The following GSK3B variants were observed in gnomAD, a reference collection of about 807,000 sequenced individuals.
GSK3B encodes the protein glycogen synthase kinase 3 beta, also known as glycogen synthase kinase-3 beta.
Under a neutral mutation model 56.4 loss-of-function variants are expected in GSK3B, and 15 were observed. The observed-to-expected ratio is 0.27, with a 90% CI of 0.18 to 0.41. The LOEUF (loss-of-function observed/expected upper bound fraction) is 0.41, where lower values mean the gene tolerates loss of function less well. Among genes scored for constraint, GSK3B ranks in the 10% least tolerant of loss-of-function variants. GSK3B has a pLI of 1.00. For missense variants in GSK3B, 300 were observed against 513.4 expected (o/e 0.58, Z 4.02); for synonymous variants, 181 against 188.9 (o/e 0.96, Z 0.34).
At position 119,826,492 on chromosome 3, in the gene GSK3B, T is replaced by TA. The variant is rs1481278170; in HGVS notation, c.*295dup. 3.8e-6 allele frequency: 2 copies of TA among 519,656 alleles called. No individual in the cohort carries two copies. The highest frequency in any genetic ancestry group is 3.1e-5 in the Admixed American group (1 of 31,908). 32.2% of individuals were successfully genotyped at this position (519,656 alleles called of 1,614,324 possible). On this transcript the variant is annotated 3_prime_UTR_variant, in exon 11 of 11. Transcript: ENST00000264235. Reference sequence around the variant, plus strand: ...AAAGTATACAACAGCAGACTTTTAATAAAAAAAGATTGTCGTGGGAGAGAG... The same window carrying TA: ...AAAGTATACAACAGCAGACTTTTAATAAAAAAAAGATTGTCGTGGGAGAGAG...
chr3:119,874,520 G>C (rs2056286675), intron 8 of GSK3B, among the ~76,000 whole-genome samples: 1 of 151,988 alleles, frequency 6.6e-6, no homozygotes, highest in Non-Finnish European at 1.5e-5. Flanking sequence ...AGGAGGACTA[G>C]TGGCAGTCTT....
intron 1 of GSK3B, among the ~76,000 whole-genome samples, chr3:120,010,164 T>C (rs2057765498): frequency 6.6e-6 from 1 of 152,182 alleles, no homozygotes; most frequent in South Asian, 2.1e-4. Context: ...AAACTCTCCC[T>C]TCAAGTCTCA....
intron 2 of GSK3B, among the ~76,000 whole-genome samples, chr3:119,986,539 T>C (rs1028087392): frequency 3.3e-5 from 5 of 150,490 alleles, no homozygotes; most frequent in African/African-American, 1.2e-4. Flanking sequence ...AACAGAAACT[T>C]GTCAAAAGAA....
chr3:119,949,301 T>C (rs1368076931), intron 2 of GSK3B, among the ~76,000 whole-genome samples: 1 of 152,198 alleles, frequency 6.6e-6, no homozygotes, highest in Non-Finnish European at 1.5e-5. Flanking sequence ...ATTGTGTTGC[T>C]TTAAAAATGT....
chr3:119,930,080 TACACACACACACACACACACACACAC>T (rs71619762), intron 3 of GSK3B, among the ~76,000 whole-genome samples: 1 of 133,564 alleles, frequency 7.5e-6, no homozygotes, highest in African/African-American at 2.9e-5. Flanking sequence ...TTCTGTCTCC[TACACACACACACACACACACACACAC>T]ACACACACAC....
intron 9 of GSK3B, among the ~76,000 whole-genome samples, chr3:119,848,103 C>A (rs1376251380): frequency 6.6e-6 from 1 of 152,210 alleles, no homozygotes; most frequent in Non-Finnish European, 1.5e-5. Context: ...ATGGGGGAAG[C>A]TGTCTCTGTC....
At chr3:119,844,979 C>T (rs1299849224) in intron 9 of GSK3B, among the ~76,000 whole-genome samples, 1 of 152,232 alleles carries the variant, frequency 6.6e-6, no homozygotes, top group African/African-American at 2.4e-5. Context: ...AAGTCGGCTT[C>T]ATCCCTGGGA....
chr3:119,972,521 C>T (rs947285042), intron 2 of GSK3B, among the ~76,000 whole-genome samples: 7 of 152,134 alleles, frequency 4.6e-5, no homozygotes, highest in Non-Finnish European at 1.0e-4. Flanking sequence ...CTGCAAGCTT[C>T]GCCTCCCAGG....
intron 7 of GSK3B, among the ~76,000 whole-genome samples, chr3:119,889,575 T>C (rs971857365): frequency 1.3e-5 from 2 of 150,822 alleles, no homozygotes; most frequent in East Asian, 3.9e-4. Flanking sequence ...TAAAAGCCAA[T>C]AGAAAAAATA....
chr3:119,857,986 CTT>C (rs543574972), intron 9 of GSK3B, among the ~76,000 whole-genome samples: 88 of 152,260 alleles, frequency 5.8e-4, no homozygotes, highest in African/African-American at 2.0e-3. Context: ...TTGAAAGAAT[CTT>C]TTTTTCCTGA....
chr3:120,012,005 C>T (rs1201183720), intron 1 of GSK3B, among the ~76,000 whole-genome samples: 1 of 152,046 alleles, frequency 6.6e-6, no homozygotes, highest in African/African-American at 2.4e-5. Context: ...ATAATGTTTC[C>T]AATAACATAA....
At chr3:119,967,276 C>T (rs952411095) in intron 2 of GSK3B, among the ~76,000 whole-genome samples, 1 of 152,136 alleles carries the variant, frequency 6.6e-6, no homozygotes, top group African/African-American at 2.4e-5. Context: ...CGGAGTTTCA[C>T]TATGTTGGCC....
intron 1 of GSK3B, among the ~76,000 whole-genome samples, chr3:120,043,043 T>C (rs1321338365): frequency 6.6e-6 from 1 of 152,202 alleles, no homozygotes; most frequent in Non-Finnish European, 1.5e-5. Flanking sequence ...CTTTACTTTC[T>C]CTTTTTCTTA....
intron 2 of GSK3B, among the ~76,000 whole-genome samples, chr3:119,947,765 T>G (rs559600129): frequency 1.3e-5 from 2 of 151,766 alleles, no homozygotes; most frequent in Non-Finnish European, 2.9e-5. Context: ...TAGCTTGACC[T>G]TATTGTTTTC....
chr3:119,983,977 G>T (rs770692236), intron 2 of GSK3B, among the ~76,000 whole-genome samples: 1 of 152,170 alleles, frequency 6.6e-6, no homozygotes, highest in Non-Finnish European at 1.5e-5. Context: ...CTCAGCAAAT[G>T]TAAAAGGACA....
At chr3:119,894,142 C>T (rs2056535600) in intron 7 of GSK3B, among the ~76,000 whole-genome samples, 1 of 152,028 alleles carries the variant, frequency 6.6e-6, no homozygotes, top group Non-Finnish European at 1.5e-5. Context: ...AATATGTGGC[C>T]TTTCGTGTGT....
chr3:119,875,889 A>C (rs1214314830), intron 8 of GSK3B, among the ~76,000 whole-genome samples: 5 of 152,082 alleles, frequency 3.3e-5, no homozygotes, highest in Non-Finnish European at 7.4e-5. Flanking sequence ...TCCAGTTAAC[A>C]TATCAATTGT....
At chr3:119,945,518 AC>A (rs2057091662) in intron 3 of GSK3B, among the ~76,000 whole-genome samples, 1 of 152,120 alleles carries the variant, frequency 6.6e-6, no homozygotes, top group South Asian at 2.1e-4. Flanking sequence ...GTCAGTTGTC[AC>A]CCCCAATGCA....
At chr3:119,965,271 C>T (rs2057309102) in intron 2 of GSK3B, among the ~76,000 whole-genome samples, 1 of 150,658 alleles carries the variant, frequency 6.6e-6, no homozygotes. Context: ...ACCATGTTGG[C>T]CAGGCTGGTC....
Sources: gnomAD v4.1 joint callset for allele counts (sites outside exome capture counted in the v4.1 genomes callset) on GRCh38, gnomAD v4.1.1 for gene constraint, MANE v1.5 for transcripts, NCBI Gene and HGNC (gene_info 2026-07-23, HGNC 2026-07-21) for gene names.